CRAMP1: variants seen among roughly 807,000 people sequenced by gnomAD.
The protein encoded by CRAMP1 is protein cramped-like.
In CRAMP1, 50 loss-of-function variants were observed where a neutral mutation model predicts 115.4. The observed-to-expected ratio is 0.43, with a 90% CI of 0.35 to 0.55. The LOEUF is 0.55. CRAMP1 is among the 20% of genes least tolerant of loss of function. CRAMP1 has a pLI of 0.01. For missense variants in CRAMP1, 1,679 were observed against 1,721.7 expected, an observed-to-expected ratio of 0.98 and a Z score of 0.44; for synonymous variants, 866 against 745.4, an observed-to-expected ratio of 1.16 and a Z score of -2.64.
At chr16:1,622,636 C>T (rs1221365986) in intron 2 of CRAMP1, among the ~76,000 whole-genome samples, 2 of 152,186 alleles carry the variant, frequency 1.3e-5, no homozygotes, top group African/African-American at 2.4e-5. Flanking sequence ...TTTGTAGAGA[C>T]AAGGTCTCCC....
At chr16:1,668,891 C>T in intron 18 of CRAMP1, 110 bp from the exon 19 acceptor site, 1 of 986,764 alleles carries the variant, frequency 1.0e-6, no homozygotes, top group South Asian at 1.4e-5. Flanking sequence ...TCTGGTTCAG[C>T]AGGGTAGAGC....
At chr16:1,651,796 A>G (rs1196116302) in intron 6 of CRAMP1, among the ~76,000 whole-genome samples, 1 of 148,918 alleles carries the variant, frequency 6.7e-6, no homozygotes, top group Admixed American at 6.7e-5. Flanking sequence ...AGGTGGACTG[A>G]GAGGTCACAC....
intron 11 of CRAMP1, 60 bp from the exon 12 acceptor site, chr16:1,662,430 G>C (rs192012335): frequency 1.5e-6 from 2 of 1,367,204 alleles, no homozygotes; most frequent in Non-Finnish European, 1.0e-6. Context: ...GGAATTCCGT[G>C]ACCCTGGACC....
In CRAMP1 at chr16:1,666,589, C is replaced by G; in HGVS notation, c.3025C>G (p.Pro1009Ala). The change falls in exon 16 of 21, where the codon CCC becomes GCC. Residue 1009 changes from proline to alanine, a missense_variant. By Grantham distance (27) the Pro-to-Ala change is conservative. Around this residue, in one of 8 missense-constraint regions of CRAMP1, gnomAD observed 709 missense variants for 741.9 expected, o/e 0.96. Transcript: ENST00000397412. This position sits in a 1 kb window ranked among gnomAD's most constrained non-coding sequence, Gnocchi z 5.0. The stretch of plus-strand genomic sequence containing the variant: ...AACTCACCAGGATGGAGACACCCTC[C>G]CCACCGTGGGGGTGAGTATGTTTAG... ...TGTHQDGDTLPTVGGSDPFVS... is the reference protein window; with the variant it reads ...TGTHQDGDTLATVGGSDPFVS... 6.2e-7 allele frequency: 1 copy of G among 1,613,782 alleles called. No individual in the cohort carries two copies. Among genetic ancestry groups the G allele is most frequent in the Non-Finnish European group, 8.5e-7 (1 of 1,179,772 alleles).
rs901933013 is a variant in CRAMP1 at position 1,677,777 on chromosome 16, C to G, written c.*3732C>G. 1.3e-5 allele frequency: 2 copies of G among 152,710 alleles called. No individual in the cohort carries two copies. The highest frequency in any genetic ancestry group is 2.9e-5 in the Non-Finnish European group (2 of 68,074). The allele number at this position is 152,710 out of a possible 1,614,324, so 9.5% of individuals were successfully genotyped here. On this transcript the variant is annotated 3_prime_UTR_variant, in exon 21 of 21. Coordinates refer to ENST00000397412, the MANE Select transcript of CRAMP1 (RefSeq NM_020825.4). ...CATATTGTAAATTATATTATTTATT[C>G]TTTACCAATTTTGGGAATAAAAGGT...
At position 1,653,175 on chromosome 16, in the gene CRAMP1, C is replaced by G. The variant is rs773618169; in HGVS notation, c.1037+19C>G. On this transcript the variant is annotated intron_variant, in intron 8 of 20. Transcript: ENST00000397412. ...GCCTCAGGTAACATGGCCCTTGGCA[C>G]GCAGAGGGGTCCCAACTGCTTGAGC... 1.9e-6 allele frequency: 3 copies of G among 1,601,994 alleles called. No individual in the cohort carries two copies. The South Asian group carries it at 3.4e-5, about 18-fold the overall frequency.
In CRAMP1 at chr16:1,669,244, C is replaced by T; in HGVS notation, c.3499+79C>T. The T allele has an allele frequency of 8.9e-7, 1 of 1,119,652 alleles. No individual in the cohort carries two copies. Among genetic ancestry groups the T allele is most frequent in the East Asian group, 2.7e-5 (1 of 36,440 alleles). 69.4% of individuals were successfully genotyped at this position (1,119,652 alleles called of 1,614,324 possible). ...GTCTGCGGGACACTGGATTCTCATT[C>T]TACTCAAACTCCCACTAGGACTGTT... On this transcript the variant is annotated intron_variant, in intron 19 of 20. Transcript: ENST00000397412. This position sits in a 1 kb window ranked among gnomAD's most constrained non-coding sequence, Gnocchi z 4.6.
chr16:1,671,606 T>C lies in CRAMP1; in HGVS notation c.3645+797T>C, dbSNP rs2142210800. The stretch of plus-strand genomic sequence containing the variant: ...GGGAGGGAACTCCAGGTCCAGGAGA[T>C]CATCCGCATGGGCTTAGCCCATGTG... On this transcript the variant is annotated intron_variant, in intron 20 of 20. Coordinates refer to ENST00000397412, the MANE Select transcript of CRAMP1 (RefSeq NM_020825.4). This position sits in a 1 kb window ranked among gnomAD's most constrained non-coding sequence, Gnocchi z 5.0. Among the ~76,000 whole-genome samples, 1 of 152,170 alleles carries C rather than the reference T, an allele frequency of 6.6e-6. No individual in the cohort carries two copies. Among genetic ancestry groups the C allele is most frequent in the African/African-American group, 2.4e-5 (1 of 41,514 alleles).
At chr16:1,616,741 A>G (rs1363960655) in intron 2 of CRAMP1, among the ~76,000 whole-genome samples, 1 of 152,068 alleles carries the variant, frequency 6.6e-6, no homozygotes, top group African/African-American at 2.4e-5. Context: ...AAGTTTTAAT[A>G]TTAATAAAAT....
At chr16:1,636,624 C>T (rs190426085) in intron 4 of CRAMP1, among the ~76,000 whole-genome samples, 1 of 152,352 alleles carries the variant, frequency 6.6e-6, no homozygotes, top group East Asian at 1.9e-4. Context: ...GCCTTCACCC[C>T]TGCTCTGTGA....
rs146776711 is a variant in CRAMP1, at chr16:1,656,760, G to A, written c.2003G>A (p.Arg668Gln). 75 of 1,548,064 alleles carry A rather than the reference G, an allele frequency of 4.8e-5. No individual in the cohort carries two copies. The Middle Eastern group carries it at 1.7e-3, about 35-fold the overall frequency. Reference protein sequence around the residue: ...ARPPKEVPASRLAQQLREEGW... With the variant: ...ARPPKEVPASQLAQQLREEGW... ...CCCCCGAAGGAGGTCCCCGCCAGCC[G>A]GCTGGCTCAGCAGCTCCGTGAGGAG... The change falls in exon 10 of 21, where the codon CGG (arginine) becomes CAG (glutamine). Residue 668 changes from arginine to glutamine, a missense_variant. Coordinates refer to ENST00000397412, the MANE Select transcript of CRAMP1 (RefSeq NM_020825.4). The surrounding 1 kb of genome is among the most constrained non-coding windows in gnomAD (Gnocchi z 5.6).
chr16:1,641,356 A>T (rs547821812), intron 6 of CRAMP1, among the ~76,000 whole-genome samples, 169 bp downstream of exon 6: 5 of 152,304 alleles, frequency 3.3e-5, no homozygotes, highest in Non-Finnish European at 5.9e-5. Flanking sequence ...GGGAGCAGTG[A>T]CTGCGCCCAG....
rs1244206620 is a variant in CRAMP1, at chr16:1,626,172, T to A, written c.540+6T>A. 2.7e-6 allele frequency: 4 copies of A among 1,492,052 alleles called. No individual in the cohort carries two copies. The highest frequency in any genetic ancestry group is 3.6e-6 in the Non-Finnish European group (4 of 1,113,948). 92.4% of individuals were successfully genotyped at this position (1,492,052 alleles called of 1,614,324 possible). ...TCTTCGAGGGGCTGTACGAGGTGAG[T>A]AGGCTGTGGAGGCACGGCCAGGCAG... On this transcript the variant is annotated splice_donor_region_variant and intron_variant, in intron 3 of 20. Coordinates refer to ENST00000397412, the MANE Select transcript of CRAMP1 (RefSeq NM_020825.4).
At chr16:1,632,467 T>C (rs2036554840) in intron 4 of CRAMP1, 102 bp downstream of exon 4, 5 of 1,210,342 alleles carry the variant, frequency 4.1e-6, no homozygotes, top group South Asian at 1.5e-5. Flanking sequence ...TTTCTGGCAT[T>C]TTCTCACCAG....
rs1336929662 is a variant in CRAMP1, at chr16:1,637,809, T to C, written c.695-15T>C. ...TGTTCCCCTCTCTAAAGCCGCCTTC[T>C]CTTCTGTTTCTCAGTGTTCTCTCGA... On this transcript the variant is annotated splice_polypyrimidine_tract_variant and intron_variant, in intron 4 of 20. Transcript: ENST00000397412. 6.9e-7 allele frequency: 1 copy of C among 1,452,236 alleles called. No homozygotes were observed. The highest frequency in any genetic ancestry group is 9.2e-7 in the Non-Finnish European group (1 of 1,083,854). 90.0% of individuals were successfully genotyped at this position (1,452,236 alleles called of 1,614,324 possible).
rs758845126 is a variant in CRAMP1, at chr16:1,670,653, T to C, written c.3500-11T>C. 3.1e-6 allele frequency: 5 copies of C among 1,613,702 alleles called. No homozygotes were observed. The East Asian group carries it at 6.7e-5, about 22-fold the overall frequency. ...GGTTCAGGGTGTTTTCCTCTGGCCT[T>C]TTCTCCGCAGCAAGCTTCATCTCCC... On this transcript the variant is annotated splice_polypyrimidine_tract_variant and intron_variant, in intron 19 of 20. Transcript: ENST00000397412.
intron 6 of CRAMP1, among the ~76,000 whole-genome samples, chr16:1,642,251 C>A (rs1022255012): frequency 6.6e-6 from 1 of 152,206 alleles, no homozygotes. Flanking sequence ...TGGCCCTTCT[C>A]CCCCAGGCTT....
In CRAMP1 at chr16:1,667,325, C is replaced by CT; in HGVS notation, c.3037-8dup. The CT allele has an allele frequency of 6.2e-7, 1 of 1,612,774 alleles. No homozygotes were observed. Among genetic ancestry groups the CT allele is most frequent in the Non-Finnish European group, 8.5e-7 (1 of 1,179,528 alleles). On this transcript the variant is annotated splice_polypyrimidine_tract_variant and intron_variant, in intron 16 of 20. Coordinates refer to ENST00000397412, the MANE Select transcript of CRAMP1 (RefSeq NM_020825.4). ...CCCTGCGGCTGCTCATGGGCGTGCT[C>CT]TTCCTGCAGGGCTCCGACCCATTTG...
chr16:1,658,621 T>A (rs1391728988), intron 10 of CRAMP1, among the ~76,000 whole-genome samples: 1 of 152,034 alleles, frequency 6.6e-6, no homozygotes, highest in Non-Finnish European at 1.5e-5. Flanking sequence ...CCCTGTGCTG[T>A]CTCTTGCCTG....
Sources: gnomAD v4.1 joint callset for allele counts (sites outside exome capture counted in the v4.1 genomes callset) on GRCh38, gnomAD v4.1.1 for gene constraint, gnomAD v4.1.1 regional missense constraint, Gnocchi (gnomAD v3.1) non-coding constraint, MANE v1.5 for transcripts, NCBI Gene and HGNC (gene_info 2026-07-23, HGNC 2026-07-21) for gene names.